The following SCFD2 variants were observed in gnomAD, a reference collection of about 807,000 sequenced individuals.
The protein encoded by SCFD2 is sec1 family domain containing 2.
SCFD2 carries 54 observed loss-of-function variants against 58.9 expected under a neutral mutation model. The ratio of observed to expected loss-of-function variants is 0.92; its 90% CI spans 0.74 to 1.15. The LOEUF (loss-of-function observed/expected upper bound fraction) is 1.15, where lower values mean the gene tolerates loss of function less well. Ranked by LOEUF, SCFD2 falls within the 50% of genes most tolerant of loss-of-function variation. The pLI is 0.00. For synonymous variants in SCFD2, 321 were observed against 335.9 expected (o/e 0.96, Z 0.49); for missense variants, 805 against 836.6 (o/e 0.96, Z 0.47).
chr4:53,319,680 C>T (rs1482813306), intron 2 of SCFD2, among the ~76,000 whole-genome samples: 2 of 151,938 alleles, frequency 1.3e-5, no homozygotes, highest in Admixed American at 6.6e-5. Context: ...TACAGGCATG[C>T]GCCATCTCGT....
intron 4 of SCFD2, among the ~76,000 whole-genome samples, chr4:53,272,690 G>A (rs189002119): frequency 9.1e-4 from 138 of 151,810 alleles, no homozygotes; most frequent in Middle Eastern, 6.8e-3. Flanking sequence ...ATCACATACC[G>A]GGGCCTGTTG....
chr4:53,268,197 C>A (rs1252151508), intron 4 of SCFD2, among the ~76,000 whole-genome samples: 4 of 151,806 alleles, frequency 2.6e-5, no homozygotes, highest in Non-Finnish European at 5.9e-5. Flanking sequence ...GTGAGGAGGG[C>A]ATTTGTGCAT....
At chr4:52,932,087 C>A (rs946353267) in intron 5 of SCFD2, among the ~76,000 whole-genome samples, 1 of 152,186 alleles carries the variant, frequency 6.6e-6, no homozygotes, top group Non-Finnish European at 1.5e-5. Context: ...AGCCCAAGAC[C>A]AGTCTGGTTG....
At chr4:53,168,958 T>G (rs2148934510) in intron 4 of SCFD2, among the ~76,000 whole-genome samples, 1 of 152,362 alleles carries the variant, frequency 6.6e-6, no homozygotes, top group East Asian at 1.9e-4. Context: ...TGAGTTCAGT[T>G]ATTTTAGATT....
At chr4:52,971,788 G>A (rs1211036293) in intron 5 of SCFD2, among the ~76,000 whole-genome samples, 1 of 152,194 alleles carries the variant, frequency 6.6e-6, no homozygotes, top group East Asian at 1.9e-4. Flanking sequence ...TACCCACAAA[G>A]GGAAGCCCAT....
chr4:53,100,469 C>T (rs13119115), intron 5 of SCFD2, among the ~76,000 whole-genome samples: 31,357 of 152,020 alleles, frequency 0.21, 3,578 homozygotes, highest in Non-Finnish European at 0.26. Context: ...GGTTTCATAA[C>T]GTGATTATTT....
chr4:53,328,706 C>T (rs1402996858), intron 2 of SCFD2, among the ~76,000 whole-genome samples: 1 of 152,146 alleles, frequency 6.6e-6, no homozygotes, highest in Non-Finnish European at 1.5e-5. Context: ...TCAGCCATCA[C>T]AGAAATAATT....
At chr4:53,212,122 G>C (rs1324820425) in intron 4 of SCFD2, among the ~76,000 whole-genome samples, 3 of 152,002 alleles carry the variant, frequency 2.0e-5, no homozygotes, top group African/African-American at 7.3e-5. Context: ...AAATCACTCA[G>C]GCATGGCACC....
At chr4:52,894,678 G>T (rs1718958441) in intron 7 of SCFD2, among the ~76,000 whole-genome samples, 1 of 152,198 alleles carries the variant, frequency 6.6e-6, no homozygotes. Flanking sequence ...TCCCTAGTGG[G>T]CTTCACACAC....
Position 52,920,811 on chromosome 4 carries a change from A to G in SCFD2, c.1621T>C (p.Phe541Leu). The G allele has an allele frequency of 6.2e-7, 1 of 1,611,648 alleles. No individual in the cohort carries two copies. Among genetic ancestry groups the G allele is most frequent in the Non-Finnish European group, 8.5e-7 (1 of 1,178,020 alleles). The change falls in exon 6 of 9, where the codon TTT becomes CTT. Residue 541 changes from phenylalanine to leucine, a missense_variant. Coordinates refer to ENST00000401642, the MANE Select transcript of SCFD2 (RefSeq NM_152540.4). The part of the protein sequence containing the change: ...HKSKIAVDEL[F>L]TSLRDIAGAR... ...CCAGCAATATCCCGAAGTGAAGTAA[A>G]GAGTTCATCCACGGCAATTTTGGAT...
intron 5 of SCFD2, among the ~76,000 whole-genome samples, chr4:52,970,810 G>C (rs527523205): frequency 2.0e-5 from 3 of 152,336 alleles, no homozygotes; most frequent in African/African-American, 7.2e-5. Flanking sequence ...GTACTCCTCT[G>C]AGACGAAACT....
chr4:53,259,023 C>T (rs1212451340), intron 4 of SCFD2, among the ~76,000 whole-genome samples: 1 of 152,078 alleles, frequency 6.6e-6, no homozygotes, highest in African/African-American at 2.4e-5. Flanking sequence ...TCTATATCTT[C>T]TTTTGAGAAT....
intron 5 of SCFD2, among the ~76,000 whole-genome samples, chr4:53,034,297 T>A (rs1483714515): frequency 2.0e-5 from 3 of 152,108 alleles, no homozygotes; most frequent in African/African-American, 7.2e-5. Context: ...AAACTCTCAA[T>A]AAACTAGGTA....
intron 5 of SCFD2, among the ~76,000 whole-genome samples, chr4:53,086,572 T>C (rs1193846914): frequency 6.6e-6 from 1 of 152,194 alleles, no homozygotes; most frequent in African/African-American, 2.4e-5. Context: ...CAAAGAGATA[T>C]CTGCACTCAC....
At chr4:52,927,435 C>T (rs1719889880) in intron 5 of SCFD2, among the ~76,000 whole-genome samples, 1 of 152,156 alleles carries the variant, frequency 6.6e-6, no homozygotes, top group Admixed American at 6.5e-5. Context: ...ACACCTGCAG[C>T]ACAATCTGAG....
chr4:52,902,962 C>T (rs767098014), intron 7 of SCFD2, among the ~76,000 whole-genome samples: 2 of 152,194 alleles, frequency 1.3e-5, no homozygotes, highest in African/African-American at 2.4e-5. Context: ...AAAGAGACAG[C>T]TGTCTATCAT....
chr4:53,176,911 TGCACTCCA>T (rs1163634620), intron 4 of SCFD2, among the ~76,000 whole-genome samples: 3 of 136,372 alleles, frequency 2.2e-5, no homozygotes, highest in Non-Finnish European at 3.0e-5. Flanking sequence ...ATTGTGCCAC[TGCACTCCA>T]GCCTGGAAAA....
chr4:53,189,651 C>T (rs993702819), intron 4 of SCFD2, among the ~76,000 whole-genome samples: 9 of 152,262 alleles, frequency 5.9e-5, no homozygotes, highest in Middle Eastern at 6.8e-3. Context: ...CTCTCAAAGG[C>T]CCCACCTCCA....
intron 2 of SCFD2, among the ~76,000 whole-genome samples, chr4:53,345,590 T>C (rs747254938): frequency 7.2e-5 from 11 of 152,072 alleles, no homozygotes; most frequent in Non-Finnish European, 8.8e-5. Flanking sequence ...AGCAATCCCA[T>C]TACTGGGTAT....
Sources: gnomAD v4.1 joint callset for allele counts (sites outside exome capture counted in the v4.1 genomes callset) on GRCh38, gnomAD v4.1.1 for gene constraint, MANE v1.5 for transcripts, NCBI Gene and HGNC (gene_info 2026-07-23, HGNC 2026-07-21) for gene names.